RTN4: variants seen among roughly 807,000 people sequenced by gnomAD.
The protein encoded by RTN4 is reticulon-4.
A neutral mutation model predicts 90.4 loss-of-function variants in RTN4; 32 were observed. The observed-to-expected ratio is 0.35, with a 90% confidence interval of 0.27 to 0.48. The LOEUF (loss-of-function observed/expected upper bound fraction) is 0.48, where lower values mean the gene tolerates loss of function less well. RTN4 is among the 20% of genes least tolerant of loss of function. RTN4 has a pLI of 0.99. For missense variants in RTN4, 1,706 were observed against 1,430.2 expected (o/e 1.19, Z -3.11); for synonymous variants, 629 against 552.5 (o/e 1.14, Z -1.94).
At chr2:54,996,669 A>T (rs897561459) in intron 3 of RTN4, among the ~76,000 whole-genome samples, 3 of 152,262 alleles carry the variant, frequency 2.0e-5, no homozygotes, top group African/African-American at 7.2e-5. Flanking sequence ...TCTACTTCAT[A>T]TCACACATAA....
At position 55,026,134 on chromosome 2, in the gene RTN4, G is replaced by A. The variant is rs758360735; in HGVS notation, c.1965C>T (p.Asn655=). The change falls in exon 3 of 9, where the codon AAC becomes AAT. Residue 655 remains asparagine, a synonymous_variant. Transcript: ENST00000337526. ...NYESIKHEPE[N]PPPYEEAMSV... ...TCATGGCCTCTTCATATGGTGGGGG[G>A]TTTTCAGGCTCATGTTTTATGCTTT... The A allele has an allele frequency of 2.1e-5, 34 of 1,613,286 alleles. No individual in the cohort carries two copies. The highest frequency in any genetic ancestry group is 2.9e-5 in the Non-Finnish European group (34 of 1,179,794).
chr2:55,110,592 A>C (rs1243074513), intron 1 of RTN4, among the ~76,000 whole-genome samples: 1 of 152,224 alleles, frequency 6.6e-6, no homozygotes, highest in East Asian at 1.9e-4. Context: ...CTTATCAATA[A>C]TGCAGACCAA....
At chr2:55,042,791 G>A (rs781628425) in intron 1 of RTN4, among the ~76,000 whole-genome samples, 5 of 152,138 alleles carry the variant, frequency 3.3e-5, no homozygotes, top group Non-Finnish European at 7.4e-5. Context: ...CTAAGGCACT[G>A]CAATGCAGAC....
At position 55,025,738 on chromosome 2, in the gene RTN4, T is replaced by A. The variant is rs770733072; in HGVS notation, c.2361A>T (p.Lys787Asn). ...CTCCCTCAGGTGGCAAAGCACTGAG[T>A]TTTTCCTTATTTTCATATTCTATCA... ...ESMIEYENKE[K>N]LSALPPEGGK... Residue 787 changes from lysine to asparagine, a missense_variant, in exon 3 of 9, where the codon AAA becomes AAT. By Grantham distance (94) the Lys-to-Asn change is moderately conservative. Transcript: ENST00000337526. 7.4e-6 allele frequency: 12 copies of A among 1,613,564 alleles called. No homozygotes were observed. The East Asian group carries it at 2.7e-4, about 36-fold the overall frequency.
At chr2:54,997,303 G>T (rs2104727045) in intron 3 of RTN4, among the ~76,000 whole-genome samples, 1 of 152,186 alleles carries the variant, frequency 6.6e-6, no homozygotes, top group East Asian at 1.9e-4. Flanking sequence ...AAACCACAAT[G>T]AGATACCACT....
chr2:54,973,944 C>T lies in RTN4; in HGVS notation c.3431-77G>A, dbSNP rs1677378014. On this transcript the variant is annotated intron_variant, in intron 6 of 8. Transcript: ENST00000337526. The stretch of plus-strand genomic sequence containing the variant: ...AATAAACACTCAAAAAACTATTAAA[C>T]TGGCAACTCAAGATAACCAAGCAGT... 5 of 1,272,222 alleles carry T rather than the reference C, an allele frequency of 3.9e-6. No individual in the cohort carries two copies. In the South Asian group the frequency reaches 3.9e-5, roughly 10 times the overall value. 78.8% of individuals were successfully genotyped at this position (1,272,222 alleles called of 1,614,324 possible).
At chr2:55,029,366 C>T (rs1305652413) in intron 1 of RTN4, among the ~76,000 whole-genome samples, 1 of 152,136 alleles carries the variant, frequency 6.6e-6, no homozygotes, top group South Asian at 2.1e-4. Flanking sequence ...TAACTTTGTA[C>T]AATGTCATCT....
intron 2 of RTN4, among the ~76,000 whole-genome samples, chr2:55,069,390 A>G (rs1285926671): frequency 6.6e-6 from 1 of 152,200 alleles, no homozygotes; most frequent in Non-Finnish European, 1.5e-5. Context: ...AAAAATCAGA[A>G]AGCCCCTCTA....
intron 5 of RTN4, among the ~76,000 whole-genome samples, chr2:54,977,682 A>T (rs1285296132): frequency 1.3e-5 from 2 of 151,862 alleles, no homozygotes; most frequent in African/African-American, 2.4e-5. Context: ...AAGCGAGGGG[A>T]GGGAGGATTT....
intron 1 of RTN4, among the ~76,000 whole-genome samples, chr2:55,105,220 T>C (rs1348280776): frequency 6.7e-6 from 1 of 149,576 alleles, no homozygotes; most frequent in Non-Finnish European, 1.5e-5. Flanking sequence ...CTTTTTTTGC[T>C]ATTGAAGTTT....
chr2:55,131,791 G>A, the RTN4 span, among the ~76,000 whole-genome samples: 3 of 152,224 alleles, frequency 2.0e-5, no homozygotes, highest in South Asian at 4.1e-4. Context: ...AGCTGAGGCA[G>A]GAGAATTGCT....
At chr2:55,044,806 A>AAAAAAAAAAC in intron 1 of RTN4, among the ~76,000 whole-genome samples, 1 of 150,680 alleles carries the variant, frequency 6.6e-6, no homozygotes, top group African/African-American at 2.4e-5. Context: ...AAAAAAAAAA[A>AAAAAAAAAAC]AAAAGACCAC....
At chr2:55,104,476 G>A (rs573870356) in intron 1 of RTN4, among the ~76,000 whole-genome samples, 2 of 151,870 alleles carry the variant, frequency 1.3e-5, no homozygotes, top group South Asian at 4.2e-4. Flanking sequence ...TCAGCCTCCC[G>A]AGTATCTGGG....
chr2:55,030,584 A>C (rs1292013981), intron 1 of RTN4, among the ~76,000 whole-genome samples: 1 of 152,172 alleles, frequency 6.6e-6, no homozygotes, highest in Admixed American at 6.5e-5. Flanking sequence ...AAATAAGGAT[A>C]ATAAGAGTAC....
chr2:55,042,248 G>A (rs1683128745), intron 1 of RTN4, among the ~76,000 whole-genome samples: 1 of 152,112 alleles, frequency 6.6e-6, no homozygotes, highest in Non-Finnish European at 1.5e-5. Flanking sequence ...CATTTTAAAT[G>A]CAAATATCCT....
rs71769973 is a variant in RTN4, at chr2:54,985,153, C to CTTTTTTTT, written c.3221+2330_3221+2337dup. Among the ~76,000 whole-genome samples the CTTTTTTTT allele has an allele frequency of 1.6e-4, 9 of 57,894 alleles. 2 individuals carry two copies. The highest frequency in any genetic ancestry group is 5.8e-4 in the African/African-American group (8 of 13,902). 38.0% of individuals were successfully genotyped at this position (57,894 alleles called of 152,430 possible). On this transcript the variant is annotated intron_variant, in intron 4 of 8. Coordinates refer to ENST00000337526, the MANE Select transcript of RTN4 (RefSeq NM_020532.5). The stretch of plus-strand genomic sequence containing the variant: ...TGGCTTGATAATAATATGACTCGGC[C>CTTTTTTTT]TTTTTTTTTTTTTTTTTTTTTTTTT...
At chr2:55,119,820 G>C in the RTN4 span, among the ~76,000 whole-genome samples, 1 of 152,268 alleles carries the variant, frequency 6.6e-6, no homozygotes, top group East Asian at 1.9e-4. Flanking sequence ...GGGCTGTTGA[G>C]AAAACGGGAT....
Position 55,025,294 on chromosome 2 carries a change from T to C in RTN4, c.2805A>G (p.Ser935=), listed in dbSNP as rs776996670. The change falls in exon 3 of 9, where the codon TCA becomes TCG. Residue 935 remains serine, a synonymous_variant. Coordinates refer to ENST00000337526, the MANE Select transcript of RTN4 (RefSeq NM_020532.5). ...QPKVEEKISF[S]DDFSKNGSAT... ...CAGACCCATTTTTAGAAAAGTCATC[T>C]GAGAAACTGATTTTCTCTTCAACTT... 3.1e-6 allele frequency: 5 copies of C among 1,613,968 alleles called. No homozygotes were observed. In the East Asian group the frequency reaches 8.9e-5, roughly 29 times the overall value.
rs761220221 is a variant in RTN4 at position 55,049,963 on chromosome 2, A to T, written c.338T>A (p.Val113Glu). ...ERQPSWDPSP[V>E]SSTVPAPSPL... ...GGATGGCGCGGGCACGGTCGACGAC[A>T]CCGGGCTCGGGTCCCAAGACGGCTG... Residue 113 changes from valine to glutamate, a missense_variant, in exon 1 of 9, where the codon GTG (valine) becomes GAG (glutamate). Transcript: ENST00000337526. 7.3e-7 allele frequency: 1 copy of T among 1,366,342 alleles called. No homozygotes were observed. Among genetic ancestry groups the T allele is most frequent in the Non-Finnish European group, 9.4e-7 (1 of 1,067,376 alleles). The allele number at this position is 1,366,342 out of a possible 1,614,324, so 84.6% of individuals were successfully genotyped here.
Sources: allele counts gnomAD v4.1 joint callset (sites outside exome capture counted in the v4.1 genomes callset), GRCh38; gene constraint gnomAD v4.1.1; transcripts MANE v1.5; gene names NCBI Gene and HGNC (gene_info 2026-07-23, HGNC 2026-07-21).